Variants in AGO4 observed in about 807,000 individuals in gnomAD.
AGO4 encodes protein argonaute-4.
A neutral mutation model predicts 104.7 loss-of-function variants in AGO4; 33 were observed. The observed-to-expected ratio is 0.32, with a 90% CI of 0.24 to 0.42. AGO4 has a LOEUF of 0.42. AGO4 is among the 10% of genes least tolerant of loss of function. AGO4 has a pLI of 1.00. For synonymous variants in AGO4, 331 were observed against 364.7 expected (o/e 0.91, Z 1.05); for missense variants, 711 against 1,083.4 (o/e 0.66, Z 4.83).
chr1:35,831,646 C>T, intron 8 of AGO4, 72 bp downstream of exon 8: 17 of 1,553,354 alleles, frequency 1.1e-5, no homozygotes, highest in Non-Finnish European at 1.5e-5. Context: ...GAGTTCTAAA[C>T]TAGTGGTGAA....
chr1:35,842,426 A>G (rs1321064069), intron 15 of AGO4, among the ~76,000 whole-genome samples: 1 of 152,232 alleles, frequency 6.6e-6, no homozygotes, highest in Non-Finnish European at 1.5e-5. Context: ...CAGACTTTGA[A>G]TATTTATAGT....
intron 17 of AGO4, chr1:35,851,307 A>C (rs897580630): frequency 4.0e-6 from 2 of 498,694 alleles, no homozygotes; most frequent in Non-Finnish European, 7.2e-6. Flanking sequence ...ATGGAGCCAA[A>C]TGCATTTCAG....
Position 35,818,514 on chromosome 1 carries a change from C to T in AGO4, c.185+1467C>T, listed in dbSNP as rs1643784447. On this transcript the variant is annotated intron_variant, in intron 2 of 17. Transcript: ENST00000373210. ...TGGCACGTGCCTGTAATCCCAGCTA[C>T]TTGGGAGGCTGAGGCAGGAGAATCA... Among the ~76,000 whole-genome samples the T allele has an allele frequency of 2.0e-5, 3 of 151,914 alleles. 1 individual carries two copies. In the South Asian group the frequency reaches 6.2e-4, roughly 32 times the overall value.
At chr1:35,824,812 A>G (rs1224986590) in intron 3 of AGO4, among the ~76,000 whole-genome samples, 2 of 152,128 alleles carry the variant, frequency 1.3e-5, no homozygotes, top group Non-Finnish European at 2.9e-5. Context: ...AAAAAAACTT[A>G]TGATGTTATG....
intron 7 of AGO4, among the ~76,000 whole-genome samples, chr1:35,829,504 C>G (rs1395843990): frequency 3.3e-5 from 5 of 152,256 alleles, no homozygotes; most frequent in Non-Finnish European, 1.5e-5. Flanking sequence ...ATGACCCTTA[C>G]TGCACCACTA....
At chr1:35,844,825 G>T (rs938570707) in intron 15 of AGO4, among the ~76,000 whole-genome samples, 2 of 152,152 alleles carry the variant, frequency 1.3e-5, no homozygotes, top group African/African-American at 4.8e-5. Flanking sequence ...TTCTCCCTCA[G>T]TCTCACTGCT....
At chr1:35,819,729 T>C in intron 2 of AGO4, among the ~76,000 whole-genome samples, 1 of 44,684 alleles carries the variant, frequency 2.2e-5, no homozygotes, top group African/African-American at 5.8e-5. Context: ...TGAGACTCTG[T>C]CTCAAAAAAA....
rs147826151 is a variant in AGO4, at chr1:35,817,429, C to A, written c.185+382C>A. Among the ~76,000 whole-genome samples the A allele has an allele frequency of 3.5e-3, 502 of 145,454 alleles. 4 individuals carry two copies. Among genetic ancestry groups the A allele is most frequent in the African/African-American group, 0.012 (464 of 39,282 alleles). On this transcript the variant is annotated intron_variant, in intron 2 of 17. Coordinates refer to ENST00000373210, the MANE Select transcript of AGO4 (RefSeq NM_017629.4). ...GAAAGATGTATATATATATATATATCAATACAGAAGATTACTTGCAGATTT... is the reference window on the plus strand; with the variant it reads ...GAAAGATGTATATATATATATATATAAATACAGAAGATTACTTGCAGATTT...
chr1:35,826,680 C>T, intron 6 of AGO4, 68 bp from the exon 7 acceptor site: 3 of 1,303,776 alleles, frequency 2.3e-6, no homozygotes, highest in Non-Finnish European at 3.3e-6. Flanking sequence ...TTGAAGACAA[C>T]ATTTGAATCT....
Position 35,841,219 on chromosome 1 carries a change from C to A in AGO4, c.1779C>A (p.Pro593=). Residue 593 remains proline (P), a synonymous_variant, in exon 14 of 18, where the codon CCC becomes CCA. Transcript: ENST00000373210. The surrounding 1 kb of genome is among the most constrained non-coding windows in gnomAD (Gnocchi z 4.7). ...VIFLGADVTH[P]PAGDGKKPSI... The stretch of plus-strand genomic sequence containing the variant: ...TCCTGGGAGCGGATGTCACACACCC[C>A]CCAGCAGGGGATGGGAAGAAACCTT... 1 of 1,614,006 alleles carries A rather than the reference C, an allele frequency of 6.2e-7. No individual in the cohort carries two copies. Among genetic ancestry groups the A allele is most frequent in the Non-Finnish European group, 8.5e-7 (1 of 1,179,882 alleles).
In AGO4 at chr1:35,833,966, G is replaced by A. The variant is rs140980797; in HGVS notation, c.1380-24G>A. ...AATGTACTCTGAAATGAAAAAAACC[G>A]TGTTACTGGTTCTATTTTAACAGGA... On this transcript the variant is annotated intron_variant, in intron 11 of 17. Coordinates refer to ENST00000373210, the MANE Select transcript of AGO4 (RefSeq NM_017629.4). 2.3e-4 allele frequency: 328 copies of A among 1,443,532 alleles called. No homozygotes were observed. The African/African-American group carries it at 2.7e-3, about 12-fold the overall frequency. The allele number at this position is 1,443,532 out of a possible 1,614,324, so 89.4% of individuals were successfully genotyped here.
At chr1:35,818,666 A>AAGAAAGGAAGGAAGGAAGGAAGG in intron 2 of AGO4, among the ~76,000 whole-genome samples, 1 of 79,686 alleles carries the variant, frequency 1.3e-5, no homozygotes, top group Non-Finnish European at 2.4e-5. Flanking sequence ...AGAAAGGAAG[A>AAGAAAGGAAGGAAGGAAGGAAGG]AAGGAAGGAA....
intron 15 of AGO4, among the ~76,000 whole-genome samples, chr1:35,848,488 C>G (rs1644625527): frequency 6.6e-6 from 1 of 152,122 alleles, no homozygotes; most frequent in African/African-American, 2.4e-5. Flanking sequence ...TATTAGTTCT[C>G]TTGATGCCCC....
intron 7 of AGO4, 56 bp from the exon 8 acceptor site, chr1:35,831,371 A>G: frequency 6.5e-7 from 1 of 1,541,416 alleles, no homozygotes; most frequent in Non-Finnish European, 8.7e-7. Flanking sequence ...AAAAAAGAAA[A>G]AGAAGAAAAG....
Position 35,818,666 on chromosome 1 carries a change from A to AAGGAAGGAAGGAAGGAAGG in AGO4, c.185+1620_185+1621insGGAAGGAAGGAAGGAAGGA, listed in dbSNP as rs1553144595. Among the ~76,000 whole-genome samples the AAGGAAGGAAGGAAGGAAGG allele has an allele frequency of 4.0e-4, 32 of 79,776 alleles. 1 individual carries two copies. Among genetic ancestry groups the AAGGAAGGAAGGAAGGAAGG allele is most frequent in the South Asian group, 1.0e-3 (2 of 1,982 alleles). 52.3% of individuals were successfully genotyped at this position (79,776 alleles called of 152,430 possible). On this transcript the variant is annotated intron_variant, in intron 2 of 17. Transcript: ENST00000373210. The stretch of plus-strand genomic sequence containing the variant: ...GAAAGAAAGAAAGAAAGAAAGGAAG[A>AAGGAAGGAAGGAAGGAAGG]AAGGAAGGAAGGAAGGAAGGAAGGA...
Position 35,808,065 on chromosome 1 carries a change from G to T in AGO4, c.-352G>T, listed in dbSNP as rs1643350853. The T allele has an allele frequency of 6.7e-6, 1 of 149,388 alleles. No individual in the cohort carries two copies. The highest frequency in any genetic ancestry group is 6.7e-5 in the Admixed American group (1 of 15,030). The allele number at this position is 149,388 out of a possible 1,614,324, so 9.3% of individuals were successfully genotyped here. A position where few individuals can be genotyped will look rare whatever the true frequency, so the allele number is the denominator to read the frequency against. ...GCCGGGCTCTGTGGACCCCGCGCCC[G>T]GGGCCGCGCACGCCCCCTCCGCCCG... is the stretch of plus-strand genomic sequence containing the variant. On this transcript the variant is annotated 5_prime_UTR_variant, in exon 1 of 18. Coordinates refer to ENST00000373210, the MANE Select transcript of AGO4 (RefSeq NM_017629.4). This position sits in a 1 kb window ranked among gnomAD's most constrained non-coding sequence, Gnocchi z 5.2.
chr1:35,811,704 A>G (rs548183075), intron 1 of AGO4, among the ~76,000 whole-genome samples: 1 of 152,050 alleles, frequency 6.6e-6, no homozygotes, highest in Non-Finnish European at 1.5e-5. Flanking sequence ...CCCGGGTTCA[A>G]GCAGTTCTCT....
rs760887246 is a variant in AGO4, at chr1:35,826,836, G to A, written c.848+1G>A. ...CTAGACGGCCAGCCAGTCATCAAAC[G>A]TATGTTAACCACATCTAAAGTAATA... On this transcript the variant is annotated splice_donor_variant, in intron 7 of 17. Transcript: ENST00000373210. LOFTEE classifies it high-confidence loss of function. 5.0e-6 allele frequency: 8 copies of A among 1,613,784 alleles called. No homozygotes were observed. Among genetic ancestry groups the A allele is most frequent in the Admixed American group, 1.7e-5 (1 of 59,996 alleles).
upstream of AGO4, among the ~76,000 whole-genome samples, chr1:35,807,988 G>T (rs1296563092): frequency 1.3e-5 from 2 of 151,302 alleles, no homozygotes; most frequent in East Asian, 2.0e-4. Context: ...CACGTCCACC[G>T]GGCTCTGCAC....
Sources: allele counts gnomAD v4.1 joint callset (sites outside exome capture counted in the v4.1 genomes callset), GRCh38; gene constraint gnomAD v4.1.1; non-coding constraint Gnocchi (gnomAD v3.1); transcripts MANE v1.5; gene names NCBI Gene and HGNC (gene_info 2026-07-23, HGNC 2026-07-21).